Variants in GRIK1 observed in about 807,000 individuals in gnomAD.
GRIK1 encodes the protein glutamate ionotropic receptor kainate type subunit 1, also known as glutamate receptor ionotropic, kainate 1.
A neutral mutation model predicts 105.7 loss-of-function variants in GRIK1; 69 were observed. That is an observed-to-expected ratio of 0.65 (90% CI 0.54 to 0.80). GRIK1 has a LOEUF of 0.80. Among genes scored for constraint, GRIK1 ranks in the 30% least tolerant of loss-of-function variants. The pLI is 0.00. For synonymous variants in GRIK1, 438 were observed against 431.3 expected (o/e 1.02, Z -0.19); for missense variants, 1,109 against 1,167.3 (o/e 0.95, Z 0.73).
intron 1 of GRIK1, among the ~76,000 whole-genome samples, chr21:29,809,005 T>A (rs145265295): frequency 1.3e-5 from 2 of 152,186 alleles, no homozygotes; most frequent in African/African-American, 4.8e-5. Context: ...CCTTGACAAT[T>A]TTTTCCCTCA....
At chr21:29,710,976 T>C (rs1363695960) in intron 1 of GRIK1, among the ~76,000 whole-genome samples, 2 of 152,070 alleles carry the variant, frequency 1.3e-5, no homozygotes, top group Non-Finnish European at 2.9e-5. Flanking sequence ...CCTATTTTGA[T>C]TTTTAATTCA....
intron 1 of GRIK1, among the ~76,000 whole-genome samples, chr21:29,764,790 C>G (rs1234367790): frequency 2.0e-5 from 3 of 152,178 alleles, no homozygotes; most frequent in African/African-American, 7.2e-5. Context: ...GCATTGTGAA[C>G]TTCCTTTTGA....
intron 16 of GRIK1, among the ~76,000 whole-genome samples, chr21:29,538,870 A>C (rs1481881045): frequency 1.3e-5 from 2 of 152,126 alleles, no homozygotes; most frequent in African/African-American, 4.8e-5. Flanking sequence ...TAGTAGTTTT[A>C]ATTTTTCTAT....
chr21:29,589,031 A>G lies in GRIK1; in HGVS notation c.1377T>C (p.Tyr459=), dbSNP rs200157469. ...GCTTATCAGATTTCCTGTACATAAC[A>G]TAGGGTTCTTCCTAAATGAAACAAA... is the stretch of plus-strand genomic sequence containing the variant. ...LIVTTILEEP[Y]VMYRKSDKPL... Residue 459 remains tyrosine (Y), a synonymous_variant, in exon 11 of 18, where the codon TAT becomes TAC. Coordinates refer to ENST00000327783, the MANE Select transcript of GRIK1 (RefSeq NM_001330994.2). The G allele has an allele frequency of 1.6e-5, 25 of 1,579,188 alleles. No homozygotes were observed. Among genetic ancestry groups the G allele is most frequent in the Non-Finnish European group, 5.2e-6 (6 of 1,149,598 alleles).
chr21:29,810,211 C>T (rs955720210), intron 1 of GRIK1, among the ~76,000 whole-genome samples: 3 of 151,596 alleles, frequency 2.0e-5, no homozygotes, highest in African/African-American at 4.9e-5. Context: ...GCAGGAGAAT[C>T]GCTGGAACTC....
intron 1 of GRIK1, among the ~76,000 whole-genome samples, chr21:29,703,691 G>C (rs191659769): frequency 6.6e-6 from 1 of 152,232 alleles, no homozygotes; most frequent in Non-Finnish European, 1.5e-5. Flanking sequence ...CTGATGGAAA[G>C]TGAATGGACA....
intron 7 of GRIK1, among the ~76,000 whole-genome samples, chr21:29,606,464 C>T (rs1458474138): frequency 6.6e-6 from 1 of 152,028 alleles, no homozygotes; most frequent in Non-Finnish European, 1.5e-5. Context: ...CACCGTGCCT[C>T]TCCGTCTTTT....
chr21:29,553,238 G>C (rs1406384023), intron 16 of GRIK1: 1 of 1,000,932 alleles, frequency 1.0e-6, no homozygotes, highest in East Asian at 9.9e-5. Flanking sequence ...TTGAAAGTCT[G>C]AATCTCCTTT....
chr21:29,874,998 A>AG (rs1001862835), intron 1 of GRIK1, among the ~76,000 whole-genome samples: 16 of 64,200 alleles, frequency 2.5e-4, no homozygotes, highest in Admixed American at 8.1e-4. Flanking sequence ...TAATAGTTTC[A>AG]GGGTTTTTTT....
chr21:29,856,956 G>A (rs1038258661), intron 1 of GRIK1, among the ~76,000 whole-genome samples: 1 of 152,082 alleles, frequency 6.6e-6, no homozygotes. Context: ...GATGGGATGA[G>A]GACTAAGAGG....
intron 1 of GRIK1, chr21:29,748,436 T>G (rs1383392893): frequency 6.6e-6 from 1 of 152,224 alleles, no homozygotes; most frequent in Non-Finnish European, 1.5e-5. Context: ...CCTGAGTAGC[T>G]TAAGAGAAGA....
intron 1 of GRIK1, among the ~76,000 whole-genome samples, chr21:29,734,406 CTTTTCTTTTCTTTTCTTTTT>C (rs751294701): frequency 0.33 from 18,591 of 56,376 alleles, 2,743 homozygotes; most frequent in Non-Finnish European, 0.43. Context: ...CTTTTCTTTT[CTTTTCTTTTCTTTTCTTTTT>C]GAGACAGAGT....
intron 14 of GRIK1, among the ~76,000 whole-genome samples, chr21:29,566,942 T>C (rs2090624336): frequency 6.6e-6 from 1 of 152,180 alleles, no homozygotes; most frequent in South Asian, 2.1e-4. Context: ...TTTCCACAGC[T>C]AATGTTTCCA....
Position 29,654,772 on chromosome 21 carries a change from C to T in GRIK1, c.780+38G>A, listed in dbSNP as rs1442542129. On this transcript the variant is annotated intron_variant, in intron 5 of 17. Coordinates refer to ENST00000327783, the MANE Select transcript of GRIK1 (RefSeq NM_001330994.2). ...CTGAAATAACTGTGTGAAGACGTTTCCTACCATGTGGAATACATTTCTCCC... is the reference window on the plus strand; with the variant it reads ...CTGAAATAACTGTGTGAAGACGTTTTCTACCATGTGGAATACATTTCTCCC... The T allele has an allele frequency of 5.9e-6, 7 of 1,185,020 alleles. No homozygotes were observed. In the South Asian group the frequency reaches 8.5e-5, roughly 14 times the overall value. 73.4% of individuals were successfully genotyped at this position (1,185,020 alleles called of 1,614,324 possible). A position where few individuals can be genotyped will look rare whatever the true frequency, so the allele number is the denominator to read the frequency against.
chr21:29,766,445 T>C (rs772949169), intron 1 of GRIK1, among the ~76,000 whole-genome samples: 2 of 152,096 alleles, frequency 1.3e-5, no homozygotes, highest in Admixed American at 6.5e-5. Flanking sequence ...GATCCTTCTG[T>C]TGAGGTTGAG....
intron 1 of GRIK1, among the ~76,000 whole-genome samples, chr21:29,933,334 T>G (rs1249869651): frequency 6.6e-6 from 1 of 152,140 alleles, no homozygotes. Context: ...ATTGCAGTGG[T>G]GTTACTGGCC....
At chr21:29,838,574 G>A (rs2067877027) in intron 1 of GRIK1, among the ~76,000 whole-genome samples, 1 of 152,162 alleles carries the variant, frequency 6.6e-6, no homozygotes, top group African/African-American at 2.4e-5. Flanking sequence ...GATATTGCCT[G>A]CCTGCAAGAC....
At chr21:29,691,610 T>C (rs1252356237) in intron 2 of GRIK1, among the ~76,000 whole-genome samples, 1 of 152,232 alleles carries the variant, frequency 6.6e-6, no homozygotes, top group Non-Finnish European at 1.5e-5. Flanking sequence ...AAATAAGAGC[T>C]TAAACACACT....
chr21:29,637,973 T>G (rs2062430514), intron 7 of GRIK1, among the ~76,000 whole-genome samples: 1 of 152,214 alleles, frequency 6.6e-6, no homozygotes, highest in Non-Finnish European at 1.5e-5. Context: ...TCTTCCATTT[T>G]GCAAACAACT....
Sources: gnomAD v4.1 joint callset for allele counts (sites outside exome capture counted in the v4.1 genomes callset) on GRCh38, gnomAD v4.1.1 for gene constraint, MANE v1.5 for transcripts, NCBI Gene and HGNC (gene_info 2026-07-23, HGNC 2026-07-21) for gene names.